WIPF1: variants seen among roughly 807,000 people sequenced by gnomAD.
WIPF1 encodes WAS/WASL interacting protein family member 1, also known as WAS/WASL-interacting protein family member 1.
Under a neutral mutation model 35.4 loss-of-function variants are expected in WIPF1, and 13 were observed. The observed-to-expected ratio is 0.37, with a 90% CI of 0.24 to 0.58. WIPF1 has a LOEUF of 0.58. WIPF1 is among the 20% of genes least tolerant of loss of function. The pLI is 0.74. For synonymous variants in WIPF1, 267 were observed against 266.3 expected, an observed-to-expected ratio of 1.00 and a Z score of -0.02; for missense variants, 591 against 667.0, an observed-to-expected ratio of 0.89 and a Z score of 1.25.
rs1684440242 is a variant in WIPF1, at chr2:174,559,880, TCTA to T, written c.*2664_*2666del. ...ACAGTTTTTACAAATATGCAAATAA[TCTA>T]CTACTTAGACATAAAAAAAAGTTGA... On this transcript the variant is annotated 3_prime_UTR_variant, in exon 8 of 8. Transcript: ENST00000679041. The T allele has an allele frequency of 3.3e-5, 5 of 152,616 alleles. No homozygotes were observed. Among genetic ancestry groups the T allele is most frequent in the Admixed American group, 1.3e-4 (2 of 15,272 alleles). The allele number at this position is 152,616 out of a possible 1,614,324, so 9.5% of individuals were successfully genotyped here.
At chr2:174,575,166 T>C (rs1685004713) in intron 4 of WIPF1, 38 bp downstream of exon 4, 9 of 1,574,858 alleles carry the variant, frequency 5.7e-6, no homozygotes, top group African/African-American at 1.4e-5. Flanking sequence ...AACTCTGCCT[T>C]GTCTTCAGTC....
intron 1 of WIPF1, among the ~76,000 whole-genome samples, chr2:174,668,672 A>G (rs1687945055): frequency 6.6e-6 from 1 of 152,156 alleles, no homozygotes; most frequent in African/African-American, 2.4e-5. Flanking sequence ...CCACACAAAG[A>G]GCTAATGGGT....
chr2:174,661,871 G>C (rs905118219), intron 1 of WIPF1, among the ~76,000 whole-genome samples: 4 of 151,642 alleles, frequency 2.6e-5, no homozygotes, highest in African/African-American at 9.7e-5. Flanking sequence ...TGTGGTGTCT[G>C]GGGGGGTGTG....
intron 1 of WIPF1, among the ~76,000 whole-genome samples, chr2:174,652,283 C>T (rs1687548552): frequency 6.6e-6 from 1 of 152,094 alleles, no homozygotes; most frequent in Non-Finnish European, 1.5e-5. Flanking sequence ...AATCTTCAGC[C>T]TCTTGTCTGG....
At position 174,562,034 on chromosome 2, in the gene WIPF1, T is replaced by C; in HGVS notation, c.*513A>G. On this transcript the variant is annotated 3_prime_UTR_variant, in exon 8 of 8. Transcript: ENST00000679041. Reference sequence around the variant, plus strand: ...ACATTATATTTCTATTGGACAGCTCTGTCCTAGAGCCAAGCTCGGACTGCC... The same window carrying C: ...ACATTATATTTCTATTGGACAGCTCCGTCCTAGAGCCAAGCTCGGACTGCC... The C allele has an allele frequency of 6.5e-7, 1 of 1,544,274 alleles. No individual in the cohort carries two copies. Among genetic ancestry groups the C allele is most frequent in the South Asian group, 1.2e-5 (1 of 83,882 alleles).
chr2:174,626,396 A>G (rs1237891134), intron 1 of WIPF1, among the ~76,000 whole-genome samples: 1 of 152,204 alleles, frequency 6.6e-6, no homozygotes, highest in Non-Finnish European at 1.5e-5. Context: ...TTTAGGAGTG[A>G]TATTAAACCA....
At position 174,648,306 on chromosome 2, in the gene WIPF1, A is replaced by C. The variant is rs1381146533; in HGVS notation, c.-39+34468T>G. ...AAGTAGAACAAGGGTGCTATTTACTAAATTACTATCGCATACTTCTCAATG... is the reference window on the plus strand; with the variant it reads ...AAGTAGAACAAGGGTGCTATTTACTCAATTACTATCGCATACTTCTCAATG... On this transcript the variant is annotated intron_variant, in intron 1 of 8. Transcript: ENST00000272746. 3.3e-5 allele frequency among the ~76,000 whole-genome samples: 5 copies of C among 152,320 alleles called. No homozygotes were observed. In the East Asian group the frequency reaches 9.6e-4, roughly 29 times the overall value.
chr2:174,574,203 T>C (rs1453161605), intron 4 of WIPF1, among the ~76,000 whole-genome samples: 1 of 152,200 alleles, frequency 6.6e-6, no homozygotes, highest in African/African-American at 2.4e-5. Context: ...ATTTTATTAT[T>C]TTATTTTTCT....
Position 174,590,251 on chromosome 2 carries a change from G to A in WIPF1, c.-38-4640C>T, listed in dbSNP as rs1685563565. On this transcript the variant is annotated intron_variant, in intron 1 of 7. Coordinates refer to ENST00000679041, the MANE Select transcript of WIPF1 (RefSeq NM_001375834.1). The surrounding 1 kb of genome is among the most constrained non-coding windows in gnomAD (Gnocchi z 4.6). ...AATTTGTTTTTCCCATCTGTTAAAT[G>A]GGAAGTTGCTGAGCAGATTAAATGA... Among the ~76,000 whole-genome samples, 1 of 152,154 alleles carries A rather than the reference G, an allele frequency of 6.6e-6. No homozygotes were observed. Among genetic ancestry groups the A allele is most frequent in the African/African-American group, 2.4e-5 (1 of 41,444 alleles).
chr2:174,668,495 C>T (rs1325627596), intron 1 of WIPF1, among the ~76,000 whole-genome samples: 1 of 152,172 alleles, frequency 6.6e-6, no homozygotes, highest in Non-Finnish European at 1.5e-5. Flanking sequence ...GATAATGTGA[C>T]ACTAGTCAGT....
chr2:174,638,620 A>G (rs1166491936), intron 1 of WIPF1, among the ~76,000 whole-genome samples: 1 of 150,488 alleles, frequency 6.6e-6, no homozygotes, highest in African/African-American at 2.4e-5. Context: ...TTTTTTTAAG[A>G]TTCCGCATAT....
chr2:174,677,268 T>C (rs1188383518), intron 1 of WIPF1: 2 of 152,242 alleles, frequency 1.3e-5, no homozygotes, highest in Admixed American at 6.5e-5. Context: ...AAAGATCTGT[T>C]TGGCTTTCAT....
At chr2:174,608,808 GA>G (rs1430140903) in intron 1 of WIPF1, among the ~76,000 whole-genome samples, 3 of 152,224 alleles carry the variant, frequency 2.0e-5, no homozygotes, top group Admixed American at 6.5e-5. Context: ...CTGGGCTGGT[GA>G]AAGTAGCCAT....
chr2:174,603,324 C>T (rs776121866), intron 1 of WIPF1, among the ~76,000 whole-genome samples: 3 of 152,126 alleles, frequency 2.0e-5, no homozygotes, highest in Non-Finnish European at 1.5e-5. Context: ...CTATCATTAG[C>T]AATGCAAAGA....
intron 1 of WIPF1, among the ~76,000 whole-genome samples, chr2:174,650,298 A>G (rs1212548557): frequency 6.6e-6 from 1 of 152,204 alleles, no homozygotes; most frequent in Non-Finnish European, 1.5e-5. Flanking sequence ...ACGAAAGATG[A>G]CTGCCTCCCA....
intron 1 of WIPF1, among the ~76,000 whole-genome samples, chr2:174,662,384 C>T (rs1687796566): frequency 6.6e-6 from 1 of 152,172 alleles, no homozygotes; most frequent in Non-Finnish European, 1.5e-5. Flanking sequence ...GGCCTGAATT[C>T]GTAACTCTTT....
chr2:174,561,889 A>C lies in WIPF1; in HGVS notation c.*658T>G. On this transcript the variant is annotated 3_prime_UTR_variant, in exon 8 of 8. Coordinates refer to ENST00000679041, the MANE Select transcript of WIPF1 (RefSeq NM_001375834.1). ...CTGGATTTTGAAGATTCAGTACCAAAAAATAATATAAAATATCTCATTAAA... is the reference window on the plus strand; with the variant it reads ...CTGGATTTTGAAGATTCAGTACCAACAAATAATATAAAATATCTCATTAAA... 1.5e-6 allele frequency: 1 copy of C among 661,858 alleles called. No homozygotes were observed. Among genetic ancestry groups the C allele is most frequent in the Non-Finnish European group, 2.4e-6 (1 of 409,710 alleles). 41.0% of individuals were successfully genotyped at this position (661,858 alleles called of 1,614,324 possible).
chr2:174,633,073 T>C (rs1687076621), intron 1 of WIPF1, among the ~76,000 whole-genome samples: 1 of 152,148 alleles, frequency 6.6e-6, no homozygotes, highest in Non-Finnish European at 1.5e-5. Flanking sequence ...CTGATAACAA[T>C]GTGGGCTGGC....
Position 174,603,420 on chromosome 2 carries a change from G to A in WIPF1, c.-38-17809C>T, listed in dbSNP as rs937284168. Among the ~76,000 whole-genome samples, 17 of 152,212 alleles carry A rather than the reference G, an allele frequency of 1.1e-4. 1 individual carries two copies. Among genetic ancestry groups the A allele is most frequent in the Non-Finnish European group, 5.9e-5 (4 of 68,038 alleles). ...TGTGCAACTGGCTGATTTGAGGTTG[G>A]GGAAGGCTAGCGCAGGCTGGCCTGG... On this transcript the variant is annotated intron_variant, in intron 1 of 8. Coordinates refer to the WIPF1 transcript ENST00000272746.
Sources: gnomAD v4.1 joint callset for allele counts (sites outside exome capture counted in the v4.1 genomes callset) on GRCh38, gnomAD v4.1.1 for gene constraint, Gnocchi (gnomAD v3.1) non-coding constraint, MANE v1.5 for transcripts, NCBI Gene and HGNC (gene_info 2026-07-23, HGNC 2026-07-21) for gene names.